Variants in GREM1 observed in about 807,000 individuals in gnomAD.
GREM1 encodes the protein gremlin 1, DAN family BMP antagonist, also known as gremlin-1.
In GREM1, 6 loss-of-function variants were observed where a neutral mutation model predicts 13.1. That is an observed-to-expected ratio of 0.46 (90% CI 0.25 to 0.91). GREM1 has a LOEUF of 0.91. GREM1 is among the 40% of genes least tolerant of loss of function. The pLI, the probability that GREM1 is intolerant of heterozygous loss-of-function variation, is 0.18. For synonymous variants in GREM1, 98 were observed against 93.7 expected (o/e 1.05, Z -0.27); for missense variants, 185 against 233.9 (o/e 0.79, Z 1.36).
chr15:32,725,813 A>G (rs1339296391), intron 1 of GREM1, among the ~76,000 whole-genome samples: 1 of 152,162 alleles, frequency 6.6e-6, no homozygotes, highest in Non-Finnish European at 1.5e-5. Context: ...TAATTTTTGT[A>G]TAAGGTGTAG....
Position 32,732,668 on chromosome 15 carries a change from A to G in GREM1, c.*1423A>G, listed in dbSNP as rs2055641629. The G allele has an allele frequency of 4.1e-6, 1 of 241,646 alleles. No homozygotes were observed. Among genetic ancestry groups the G allele is most frequent in the Non-Finnish European group, 8.8e-6 (1 of 114,122 alleles). The allele number at this position is 241,646 out of a possible 1,614,324, so 15.0% of individuals were successfully genotyped here. A position where few individuals can be genotyped will look rare whatever the true frequency, so the allele number is the denominator to read the frequency against. On this transcript the variant is annotated 3_prime_UTR_variant, in exon 2 of 2. Transcript: ENST00000651154. ...ATGATGTATTAGCTGTTCATCTGCT[A>G]CTGGTTGGATGGACATAACTATTGT...
chr15:32,729,976 G>C lies in GREM1; in HGVS notation c.-1-714G>C, dbSNP rs898923429. Among the ~76,000 whole-genome samples, 7 of 152,172 alleles carry C rather than the reference G, an allele frequency of 4.6e-5. No individual in the cohort carries two copies. In the South Asian group the frequency reaches 1.0e-3, roughly 23 times the overall value. ...CATCTGCAGTACTGCCACACATTTG[G>C]TTAGTTCTCCAATTGCTGTCACATT... is the stretch of plus-strand genomic sequence containing the variant. On this transcript the variant is annotated intron_variant, in intron 1 of 1. Transcript: ENST00000651154.
chr15:32,730,031 T>C (rs541834108), intron 1 of GREM1, among the ~76,000 whole-genome samples: 1 of 152,346 alleles, frequency 6.6e-6, no homozygotes, highest in South Asian at 2.1e-4. Context: ...ACAGCGTACC[T>C]GGGGAGACGA....
chr15:32,735,939 G>A lies in GREM1; in HGVS notation c.*4694G>A, dbSNP rs1039664969. 2.0e-5 allele frequency: 3 copies of A among 152,324 alleles called. No individual in the cohort carries two copies. The highest frequency in any genetic ancestry group is 7.2e-5 in the African/African-American group (3 of 41,568). 9.4% of individuals were successfully genotyped at this position (152,324 alleles called of 1,614,324 possible). A position where few individuals can be genotyped will look rare whatever the true frequency, so the allele number is the denominator to read the frequency against. ...CTGAAGATGTATAGCAATTTGCAGA[G>A]CATTTATTCAAGAAAAAGACTAAAT... On this transcript the variant is annotated 3_prime_UTR_variant, in exon 2 of 2. Coordinates refer to ENST00000651154, the MANE Select transcript of GREM1 (RefSeq NM_013372.7).
Position 32,718,176 on chromosome 15 carries a change from AC to A in GREM1, c.-2+18del, listed in dbSNP as rs1412620922. 2.2e-6 allele frequency: 3 copies of A among 1,338,062 alleles called. No individual in the cohort carries two copies. In the African/African-American group the frequency reaches 4.4e-5, roughly 19 times the overall value. 82.9% of individuals were successfully genotyped at this position (1,338,062 alleles called of 1,614,324 possible). On this transcript the variant is annotated intron_variant, in intron 1 of 1. Coordinates refer to ENST00000651154, the MANE Select transcript of GREM1 (RefSeq NM_013372.7). ...CGCACTGACAGGTGAGCGCGGACGC[AC>A]CCGGCAGGGATGTGAGTGGGCGGAG...
chr15:32,723,932 T>G (rs1341772920), intron 1 of GREM1, among the ~76,000 whole-genome samples: 1 of 152,180 alleles, frequency 6.6e-6, no homozygotes, highest in Non-Finnish European at 1.5e-5. Flanking sequence ...ACACTGAGAG[T>G]TAGACATCCA....
In GREM1 at chr15:32,733,573, A is replaced by C; in HGVS notation, c.*2328A>C. On this transcript the variant is annotated 3_prime_UTR_variant, in exon 2 of 2. Transcript: ENST00000651154. ...TCAGCAGCGTAACTACCCTAAAAGCATATCACTAGCCAAAGAGGGAAATAT... is the reference window on the plus strand; with the variant it reads ...TCAGCAGCGTAACTACCCTAAAAGCCTATCACTAGCCAAAGAGGGAAATAT... 4.3e-6 allele frequency: 1 copy of C among 232,896 alleles called. No individual in the cohort carries two copies. The highest frequency in any genetic ancestry group is 6.8e-5 in the East Asian group (1 of 14,742). 14.4% of individuals were successfully genotyped at this position (232,896 alleles called of 1,614,324 possible). A position where few individuals can be genotyped will look rare whatever the true frequency, so the allele number is the denominator to read the frequency against.
At chr15:32,725,188 C>T (rs1049537193) in intron 1 of GREM1, among the ~76,000 whole-genome samples, 1 of 152,078 alleles carries the variant, frequency 6.6e-6, no homozygotes, top group African/African-American at 2.4e-5. Context: ...ATTTCTGGTT[C>T]TAGATCCTTG....
intron 1 of GREM1, among the ~76,000 whole-genome samples, chr15:32,729,994 G>T (rs1305466050): frequency 6.6e-6 from 1 of 152,196 alleles, no homozygotes; most frequent in Admixed American, 6.5e-5. Context: ...TCCAATTGCT[G>T]TCACATTGAC....
Position 32,734,310 on chromosome 15 carries a change from G to C in GREM1, c.*3065G>C, listed in dbSNP as rs961049933. The stretch of plus-strand genomic sequence containing the variant: ...AACGAATAGCAGATAATGATGACTA[G>C]TTCACACATAAAGTCCTTTTAAGGA... On this transcript the variant is annotated 3_prime_UTR_variant, in exon 2 of 2. Coordinates refer to ENST00000651154, the MANE Select transcript of GREM1 (RefSeq NM_013372.7). 3 of 245,700 alleles carry C rather than the reference G, an allele frequency of 1.2e-5. No homozygotes were observed. Among genetic ancestry groups the C allele is most frequent in the Admixed American group, 1.1e-4 (2 of 17,718 alleles). 15.2% of individuals were successfully genotyped at this position (245,700 alleles called of 1,614,324 possible).
rs368178728 is a variant in GREM1 at position 32,736,630 on chromosome 15, C to T, written c.*5385C>T. On this transcript the variant is annotated 3_prime_UTR_variant, in exon 2 of 2. Transcript: ENST00000651154. ...TTGATTCCAAGTGTTTGAGGAAATC[C>T]GTGTACAACTATTAGATGACTACTA... is the stretch of plus-strand genomic sequence containing the variant. 11 of 152,230 alleles carry T rather than the reference C, an allele frequency of 7.2e-5. No homozygotes were observed. The highest frequency in any genetic ancestry group is 2.1e-4 in the South Asian group (1 of 4,822). The allele number at this position is 152,230 out of a possible 1,614,324, so 9.4% of individuals were successfully genotyped here. A position where few individuals can be genotyped will look rare whatever the true frequency, so the allele number is the denominator to read the frequency against.
chr15:32,737,077 A>G lies in GREM1; in HGVS notation c.*5832A>G, dbSNP rs2055705725. 1 of 152,220 alleles carries G rather than the reference A, an allele frequency of 6.6e-6. No individual in the cohort carries two copies. Among genetic ancestry groups the G allele is most frequent in the Non-Finnish European group, 1.5e-5 (1 of 68,038 alleles). 9.4% of individuals were successfully genotyped at this position (152,220 alleles called of 1,614,324 possible). ...ACAAACTACTGAAACTGATTCAAGA[A>G]AAAATAAAAATCTGAATAGAGCTAT... On this transcript the variant is annotated 3_prime_UTR_variant, in exon 2 of 2. Coordinates refer to ENST00000651154, the MANE Select transcript of GREM1 (RefSeq NM_013372.7).
At chr15:32,719,790 G>A (rs2055374216) in intron 1 of GREM1, among the ~76,000 whole-genome samples, 1 of 152,312 alleles carries the variant, frequency 6.6e-6, no homozygotes, top group East Asian at 1.9e-4. Flanking sequence ...CGTAGAAGAG[G>A]TTAAGATAAC....
chr15:32,722,559 C>T (rs1447245066), intron 1 of GREM1, among the ~76,000 whole-genome samples: 2 of 152,228 alleles, frequency 1.3e-5, no homozygotes, highest in Non-Finnish European at 2.9e-5. Flanking sequence ...TTTTATTTCT[C>T]AGTCCTCAGT....
At position 32,736,425 on chromosome 15, in the gene GREM1, C is replaced by T. The variant is rs1376736157; in HGVS notation, c.*5180C>T. 6.6e-6 allele frequency: 1 copy of T among 152,052 alleles called. No individual in the cohort carries two copies. Among genetic ancestry groups the T allele is most frequent in the Non-Finnish European group, 1.5e-5 (1 of 68,042 alleles). 9.4% of individuals were successfully genotyped at this position (152,052 alleles called of 1,614,324 possible). A position where few individuals can be genotyped will look rare whatever the true frequency, so the allele number is the denominator to read the frequency against. ...TGCATAAATAGGACTCCATCCATGCCCAGGACTGTGCAGATGCTCAGGAAA... is the reference window on the plus strand; with the variant it reads ...TGCATAAATAGGACTCCATCCATGCTCAGGACTGTGCAGATGCTCAGGAAA... On this transcript the variant is annotated 3_prime_UTR_variant, in exon 2 of 2. Coordinates refer to ENST00000651154, the MANE Select transcript of GREM1 (RefSeq NM_013372.7).
At chr15:32,729,594 C>T (rs201078066) in intron 1 of GREM1, among the ~76,000 whole-genome samples, 256 of 151,408 alleles carry the variant, frequency 1.7e-3, no homozygotes, top group Non-Finnish European at 2.7e-3. Flanking sequence ...GTCGGTTTTC[C>T]CTCACCTCAC....
rs2055677096 is a variant in GREM1 at position 32,734,874 on chromosome 15, CG to C, written c.*3631del. On this transcript the variant is annotated 3_prime_UTR_variant, in exon 2 of 2. Transcript: ENST00000651154. ...TGGCAAGGGAGAGCTGGTCTGCAAT[CG>C]GAAGTACCAGCCTCTTCCCTAGAGC... 5.7e-6 allele frequency: 1 copy of C among 174,010 alleles called. No homozygotes were observed. Among genetic ancestry groups the C allele is most frequent in the Middle Eastern group, 2.2e-3 (1 of 448 alleles). 10.8% of individuals were successfully genotyped at this position (174,010 alleles called of 1,614,324 possible).
chr15:32,733,320 C>T lies in GREM1; in HGVS notation c.*2075C>T, dbSNP rs2055652767. ...TGGGAGAGAAGAAAAGGGAAAGAAG[C>T]TGAAAATGTAAAACCACACCAGGGA... On this transcript the variant is annotated 3_prime_UTR_variant, in exon 2 of 2. Coordinates refer to ENST00000651154, the MANE Select transcript of GREM1 (RefSeq NM_013372.7). 1 of 224,614 alleles carries T rather than the reference C, an allele frequency of 4.5e-6. No individual in the cohort carries two copies. Among genetic ancestry groups the T allele is most frequent in the Admixed American group, 5.9e-5 (1 of 16,952 alleles). The allele number at this position is 224,614 out of a possible 1,614,324, so 13.9% of individuals were successfully genotyped here.
chr15:32,732,258 A>G lies in GREM1; in HGVS notation c.*1013A>G, dbSNP rs2055632374. The G allele has an allele frequency of 8.4e-6, 2 of 237,502 alleles. No individual in the cohort carries two copies. The allele number at this position is 237,502 out of a possible 1,614,324, so 14.7% of individuals were successfully genotyped here. A position where few individuals can be genotyped will look rare whatever the true frequency, so the allele number is the denominator to read the frequency against. ...GGTGGGAATTAATCAAAAACCTCAG[A>G]GGCTGAAATTCCTAATACCTTTCCT... On this transcript the variant is annotated 3_prime_UTR_variant, in exon 2 of 2. Coordinates refer to ENST00000651154, the MANE Select transcript of GREM1 (RefSeq NM_013372.7).
Sources: gnomAD v4.1 joint callset for allele counts (sites outside exome capture counted in the v4.1 genomes callset) on GRCh38, gnomAD v4.1.1 for gene constraint, MANE v1.5 for transcripts, NCBI Gene and HGNC (gene_info 2026-07-23, HGNC 2026-07-21) for gene names.